KDM2A: variants seen among roughly 807,000 people sequenced by gnomAD.
KDM2A encodes lysine demethylase 2A.
In KDM2A, 3 loss-of-function variants were observed where a neutral mutation model predicts 137.3. That is an observed-to-expected ratio of 0.02 (90% CI 0.01 to 0.06). The LOEUF is 0.06. Among genes scored for constraint, KDM2A ranks in the 10% least tolerant of loss-of-function variants. The probability of loss-of-function intolerance (pLI) is 1.00; values close to 1 mark genes in which losing one functional copy is unlikely to be tolerated. For missense variants in KDM2A, 738 were observed against 1,510.6 expected (o/e 0.49, Z 8.48); for synonymous variants, 512 against 541.5 (o/e 0.95, Z 0.76).
intron 18 of KDM2A, 49 bp downstream of exon 18, chr11:67,252,906 G>T (rs1859478836): frequency 2.6e-6 from 4 of 1,556,440 alleles, no homozygotes; most frequent in African/African-American, 1.4e-5. Flanking sequence ...AGAAGAAGCG[G>T]GCAAGAAAAG....
intron 2 of KDM2A, among the ~76,000 whole-genome samples, chr11:67,167,622 A>AT (rs202130695): frequency 1.2e-3 from 176 of 149,418 alleles, no homozygotes; most frequent in African/African-American, 4.2e-3. Flanking sequence ...CTGACTAAAT[A>AT]TTTTTTTTTA....
chr11:67,230,004 G>A (rs368148624), intron 11 of KDM2A, among the ~76,000 whole-genome samples: 3 of 152,034 alleles, frequency 2.0e-5, no homozygotes, highest in South Asian at 4.2e-4. Context: ...GTGAAACCCC[G>A]TCTCTACTAA....
chr11:67,247,056 TATATATA>T (rs1565424071), intron 15 of KDM2A, among the ~76,000 whole-genome samples: 3 of 30,386 alleles, frequency 9.9e-5, no homozygotes, highest in African/African-American at 4.4e-4. Context: ...TATATATATA[TATATATA>T]TATATATATT....
rs1859406513 is a variant in KDM2A, at chr11:67,250,984, A to G, written c.2768+186A>G. Among the ~76,000 whole-genome samples, 1 of 152,194 alleles carries G rather than the reference A, an allele frequency of 6.6e-6. No homozygotes were observed. The highest frequency in any genetic ancestry group is 2.4e-5 in the African/African-American group (1 of 41,440). ...GCCTGTTGTACCCGCAGATGTCATTAGGGAACTGGCCATTTGCCTCCTGGC... is the reference window on the plus strand; with the variant it reads ...GCCTGTTGTACCCGCAGATGTCATTGGGGAACTGGCCATTTGCCTCCTGGC... On this transcript the variant is annotated intron_variant, in intron 17 of 20. Coordinates refer to ENST00000529006, the MANE Select transcript of KDM2A (RefSeq NM_012308.3). This position sits in a 1 kb window ranked among gnomAD's most constrained non-coding sequence, Gnocchi z 7.1.
intron 2 of KDM2A, among the ~76,000 whole-genome samples, chr11:67,127,768 C>T (rs968539033): frequency 4.6e-5 from 7 of 151,982 alleles, no homozygotes; most frequent in African/African-American, 9.7e-5. Context: ...AGTGCTATGA[C>T]GCAATCTGGG....
At chr11:67,147,473 T>C (rs1158215442) in intron 2 of KDM2A, among the ~76,000 whole-genome samples, 14 of 148,186 alleles carry the variant, frequency 9.4e-5, no homozygotes, top group African/African-American at 2.7e-4. Context: ...ACCTGGGAGG[T>C]GGAGCTTGCA....
At chr11:67,139,076 C>G (rs1178018464) in intron 2 of KDM2A, among the ~76,000 whole-genome samples, 2 of 152,130 alleles carry the variant, frequency 1.3e-5, no homozygotes, top group African/African-American at 4.8e-5. Flanking sequence ...TTTCTGAAGA[C>G]TGCTTCTCCC....
intron 5 of KDM2A, among the ~76,000 whole-genome samples, chr11:67,187,382 C>T (rs1857234033): frequency 1.3e-5 from 2 of 151,978 alleles, no homozygotes; most frequent in African/African-American, 4.8e-5. Context: ...AATGGCATGA[C>T]ACAACTATAT....
chr11:67,201,218 A>ATG (rs61320277), intron 5 of KDM2A, among the ~76,000 whole-genome samples: 44 of 145,538 alleles, frequency 3.0e-4, no homozygotes, highest in East Asian at 8.2e-4. Context: ...ATATATATAT[A>ATG]TGTGTGTGTG....
intron 5 of KDM2A, among the ~76,000 whole-genome samples, chr11:67,204,483 GT>G (rs1048423818): frequency 6.8e-6 from 1 of 147,838 alleles, no homozygotes; most frequent in Non-Finnish European, 1.5e-5. Context: ...GATACAGTGT[GT>G]TTTCTTTTTT....
intron 2 of KDM2A, among the ~76,000 whole-genome samples, chr11:67,140,777 TTTTGA>T (rs1856082327): frequency 1.3e-5 from 2 of 152,166 alleles, no homozygotes; most frequent in East Asian, 3.9e-4. Context: ...ACAAGTATAC[TTTTGA>T]TTTATTTATA....
rs771146329 is a variant in KDM2A at position 67,180,213 on chromosome 11, A to G, written c.177A>G (p.Gly59=). Residue 59 remains glycine (G), a synonymous_variant, in exon 3 of 21, where the codon GGA becomes GGG. Coordinates refer to ENST00000529006, the MANE Select transcript of KDM2A (RefSeq NM_012308.3). ...CCAATTTTGTTACTTTTATGGAAGGAAAAGGTCAGTATTGTTTTGGTTCCA... is the reference window on the plus strand; with the variant it reads ...CCAATTTTGTTACTTTTATGGAAGGGAAAGGTCAGTATTGTTTTGGTTCCA... ...YNANFVTFME[G]KDFNVEYIQR... The G allele has an allele frequency of 6.2e-7, 1 of 1,613,530 alleles. No individual in the cohort carries two copies. The highest frequency in any genetic ancestry group is 1.1e-5 in the South Asian group (1 of 91,012).
At chr11:67,143,887 C>T (rs1263560457) in intron 2 of KDM2A, among the ~76,000 whole-genome samples, 1 of 152,076 alleles carries the variant, frequency 6.6e-6, no homozygotes, top group Non-Finnish European at 1.5e-5. Context: ...CTGCGTCGGC[C>T]TCCCAAAGTG....
chr11:67,190,426 AAGTG>A (rs1321541651), intron 5 of KDM2A, among the ~76,000 whole-genome samples: 1 of 152,106 alleles, frequency 6.6e-6, no homozygotes, highest in African/African-American at 2.4e-5. Context: ...AAGAAAGTGA[AAGTG>A]AGGACATTAC....
chr11:67,242,292 GT>G, intron 12 of KDM2A, among the ~76,000 whole-genome samples: 1 of 151,994 alleles, frequency 6.6e-6, no homozygotes, highest in Non-Finnish European at 1.5e-5. Flanking sequence ...GTGTGTGTGT[GT>G]GTGTGTGTGT....
At position 67,231,604 on chromosome 11, in the gene KDM2A, G is replaced by A; in HGVS notation, c.1123G>A (p.Glu375Lys). The A allele has an allele frequency of 6.2e-7, 1 of 1,610,626 alleles. No individual in the cohort carries two copies. Among genetic ancestry groups the A allele is most frequent in the Non-Finnish European group, 8.5e-7 (1 of 1,178,400 alleles). The change falls in exon 12 of 21, where the codon GAG becomes AAG. Residue 375 changes from glutamate to lysine, a missense_variant. Transcript: ENST00000529006. Reference protein sequence around the residue: ...LNGLESGNGDEEAVDREPRRL... With the variant: ...LNGLESGNGDKEAVDREPRRL... ...TGGGTTGGAGTCTGGGAATGGGGAT[G>A]AGGAAGCAGTGGATCGAGAACCCCG...
intron 5 of KDM2A, among the ~76,000 whole-genome samples, chr11:67,191,832 C>T (rs1246137927): frequency 1.3e-5 from 2 of 152,142 alleles, no homozygotes; most frequent in East Asian, 3.8e-4. Flanking sequence ...GAAGTCCTAA[C>T]AGAGCAATTA....
chr11:67,138,749 C>T (rs1856026565), intron 2 of KDM2A, among the ~76,000 whole-genome samples: 1 of 152,164 alleles, frequency 6.6e-6, no homozygotes, highest in African/African-American at 2.4e-5. Context: ...CCACTACATT[C>T]TTGGATCCTA....
chr11:67,235,910 G>A (rs563431745), intron 12 of KDM2A, among the ~76,000 whole-genome samples: 4 of 152,260 alleles, frequency 2.6e-5, no homozygotes, highest in East Asian at 1.9e-4. Flanking sequence ...GAGCCACTGC[G>A]CCCGGCCAAG....
Sources: allele counts gnomAD v4.1 joint callset (sites outside exome capture counted in the v4.1 genomes callset), GRCh38; gene constraint gnomAD v4.1.1; non-coding constraint Gnocchi (gnomAD v3.1); transcripts MANE v1.5; gene names NCBI Gene and HGNC (gene_info 2026-07-23, HGNC 2026-07-21).